CRB1: variants seen among roughly 807,000 people sequenced by gnomAD.
CRB1 encodes the protein crumbs cell polarity complex component 1, also known as protein crumbs homolog 1.
In CRB1, 83 loss-of-function variants were observed where a neutral mutation model predicts 120.0. The observed-to-expected ratio is 0.69, with a 90% CI of 0.58 to 0.83. The LOEUF is 0.83. Ranked by LOEUF, CRB1 falls within the 40% of genes least tolerant of loss-of-function variation. The pLI is 0.00. For missense variants in CRB1, 1,699 were observed against 1,687.6 expected, an observed-to-expected ratio of 1.01 and a Z score of -0.12; for synonymous variants, 625 against 612.5, an observed-to-expected ratio of 1.02 and a Z score of -0.30.
the CRB1 span, among the ~76,000 whole-genome samples, chr1:197,227,430 C>T: frequency 9.2e-4 from 133 of 144,458 alleles, 2 homozygotes; most frequent in East Asian, 0.021. Context: ...TCTCGCTCAT[C>T]GCCCAGGCTG....
At chr1:197,223,146 T>C in the CRB1 span, 1 of 925,250 alleles carries the variant, frequency 1.1e-6, no homozygotes, top group Non-Finnish European at 1.8e-6. Context: ...TGGATAATGA[T>C]TGCCTTGGCC....
At chr1:197,418,713 G>T (rs1277178501) in intron 5 of CRB1, among the ~76,000 whole-genome samples, 1 of 152,120 alleles carries the variant, frequency 6.6e-6, no homozygotes, top group Non-Finnish European at 1.5e-5. Context: ...AATCACTTTA[G>T]GAAGGTCATG....
At chr1:197,405,077 C>T (rs1306907759) in intron 5 of CRB1, among the ~76,000 whole-genome samples, 1 of 151,732 alleles carries the variant, frequency 6.6e-6, no homozygotes, top group Non-Finnish European at 1.5e-5. Context: ...TCTCCCTCTC[C>T]CCACGGTCTC....
the CRB1 span, among the ~76,000 whole-genome samples, chr1:197,245,338 A>G: frequency 2.6e-5 from 4 of 152,032 alleles, no homozygotes; most frequent in Admixed American, 2.6e-4. Context: ...TGGCTGCTTT[A>G]AAATCTTTGT....
intron 11 of CRB1, among the ~76,000 whole-genome samples, chr1:197,451,602 C>G (rs139079075): frequency 9.8e-5 from 15 of 152,294 alleles, no homozygotes; most frequent in African/African-American, 3.4e-4. Flanking sequence ...CAAGGATGGG[C>G]TGGGCCTGGA....
the CRB1 span, among the ~76,000 whole-genome samples, chr1:197,232,059 G>T: frequency 2.0e-5 from 3 of 152,202 alleles, no homozygotes; most frequent in South Asian, 6.2e-4. Context: ...AAGGTAGGAG[G>T]GTCAGAGTTA....
At chr1:197,430,063 A>G (rs765940726) in intron 8 of CRB1, among the ~76,000 whole-genome samples, 1 of 152,208 alleles carries the variant, frequency 6.6e-6, no homozygotes, top group African/African-American at 2.4e-5. Context: ...TGATGATTCT[A>G]TGACCTTATC....
chr1:197,390,991 C>A (rs191231454), intron 5 of CRB1, among the ~76,000 whole-genome samples: 4 of 152,064 alleles, frequency 2.6e-5, no homozygotes, highest in South Asian at 4.1e-4. Flanking sequence ...TGCTGAAATA[C>A]TTTCTCAAGA....
chr1:197,363,949 T>C, intron 5 of CRB1: 1 of 1,334,334 alleles, frequency 7.5e-7, no homozygotes, highest in Non-Finnish European at 1.1e-6. Flanking sequence ...TCGGCGGTAT[T>C]ATGAGAAGCC....
chr1:197,301,742 A>G (rs1656873763), intron 1 of CRB1, among the ~76,000 whole-genome samples: 1 of 152,156 alleles, frequency 6.6e-6, no homozygotes, highest in African/African-American at 2.4e-5. Flanking sequence ...GATGACTTTG[A>G]GGGGTTCAAC....
At position 197,395,781 on chromosome 1, in the gene CRB1, C is replaced by T. The variant is rs112780046; in HGVS notation, c.1172-25219C>T. 1.1e-3 allele frequency among the ~76,000 whole-genome samples: 173 copies of T among 152,206 alleles called. 1 individual carries two copies. The highest frequency in any genetic ancestry group is 4.1e-3 in the African/African-American group (171 of 41,538). Reference sequence around the variant, plus strand: ...ATCTCCATAGATACAGAAAAAAATGCATTTAACAAAACTCAACATTCATAT... The same window carrying T: ...ATCTCCATAGATACAGAAAAAAATGTATTTAACAAAACTCAACATTCATAT... On this transcript the variant is annotated intron_variant, in intron 5 of 11. Transcript: ENST00000367400.
chr1:197,337,150 CT>C (rs990781195), intron 2 of CRB1, among the ~76,000 whole-genome samples: 1 of 152,004 alleles, frequency 6.6e-6, no homozygotes, highest in Non-Finnish European at 1.5e-5. Flanking sequence ...GCTATGTGCC[CT>C]TATAAAAGAG....
intron 1 of CRB1, among the ~76,000 whole-genome samples, chr1:197,312,550 C>T (rs1657596688): frequency 6.6e-6 from 1 of 152,154 alleles, no homozygotes; most frequent in Non-Finnish European, 1.5e-5. Context: ...CCACTGCACT[C>T]CAGCCTGAGG....
At chr1:197,296,867 G>A (rs1210862236) in intron 1 of CRB1, among the ~76,000 whole-genome samples, 4 of 151,988 alleles carry the variant, frequency 2.6e-5, no homozygotes, top group South Asian at 4.1e-4. Context: ...CATGTAAGAC[G>A]TCCCTTTTGC....
chr1:197,434,701 A>AT lies in CRB1; in HGVS notation c.2843-3dup, dbSNP rs776525385. 5 of 1,610,562 alleles carry AT rather than the reference A, an allele frequency of 3.1e-6. No homozygotes were observed. Among genetic ancestry groups the AT allele is most frequent in the Non-Finnish European group, 4.2e-6 (5 of 1,177,168 alleles). ...TTATTGATTATTATCACCTTCTCTC[A>AT]TTAGGTATTGCAAATGCTGTTTTTA... On this transcript the variant is annotated splice_polypyrimidine_tract_variant and splice_region_variant and intron_variant, in intron 8 of 11. Transcript: ENST00000367400.
Position 197,421,019 on chromosome 1 carries a change from C to T in CRB1, c.1191C>T (p.Asp397=), listed in dbSNP as rs758897056. The change falls in exon 6 of 12, where the codon GAC becomes GAT. Residue 397 remains aspartate, a synonymous_variant. Coordinates refer to ENST00000367400, the MANE Select transcript of CRB1 (RefSeq NM_201253.3). The stretch of plus-strand genomic sequence containing the variant: ...TAACAGGAATCCACTGCGAAGAAGA[C>T]GTCAATGAATGTTCTTCAAACCCTT... ...PGFTGIHCEE[D]VNECSSNPCQ... The T allele has an allele frequency of 1.3e-5, 21 of 1,602,026 alleles. No individual in the cohort carries two copies. The highest frequency in any genetic ancestry group is 1.1e-4 in the South Asian group (10 of 90,838).
At chr1:197,465,718 G>T (rs894152555) in intron 11 of CRB1, among the ~76,000 whole-genome samples, 10 of 152,124 alleles carry the variant, frequency 6.6e-5, no homozygotes, top group African/African-American at 2.4e-4. Context: ...AGCATGATGT[G>T]TGTCTTTCAT....
chr1:197,295,988 G>A (rs967606673), intron 1 of CRB1, among the ~76,000 whole-genome samples: 2 of 110,752 alleles, frequency 1.8e-5, no homozygotes, highest in Non-Finnish European at 3.9e-5. Context: ...AAAAATTTAA[G>A]ACAAAGTAAG....
chr1:197,377,492 T>C (rs1661710717), intron 5 of CRB1, among the ~76,000 whole-genome samples: 1 of 152,232 alleles, frequency 6.6e-6, no homozygotes, highest in Non-Finnish European at 1.5e-5. Flanking sequence ...TAATAAACCT[T>C]TTGAAGATTC....
Sources: allele counts gnomAD v4.1 joint callset (sites outside exome capture counted in the v4.1 genomes callset), GRCh38; gene constraint gnomAD v4.1.1; transcripts MANE v1.5; gene names NCBI Gene and HGNC (gene_info 2026-07-23, HGNC 2026-07-21).